FBN2: variants seen among roughly 807,000 people sequenced by gnomAD.
FBN2 encodes fibrillin-2.
In FBN2, 105 loss-of-function variants were observed where a neutral mutation model predicts 355.6. The ratio of observed to expected loss-of-function variants is 0.30; its 90% CI spans 0.25 to 0.35. The LOEUF (loss-of-function observed/expected upper bound fraction) is 0.35, where lower values mean the gene tolerates loss of function less well. FBN2 is among the 10% of genes least tolerant of loss of function. FBN2 has a pLI of 1.00. For missense variants in FBN2, 3,280 were observed against 3,758.7 expected (o/e 0.87, Z 3.33); for synonymous variants, 1,350 against 1,301.2 (o/e 1.04, Z -0.81).
Position 128,328,720 on chromosome 5 carries a change from C to T in FBN2, c.4447G>A (p.Ala1483Thr). The change falls in exon 34 of 65, where the codon GCC (alanine) becomes ACC (threonine). Residue 1483 changes from alanine to threonine, a missense_variant. By Grantham distance (58) the Ala-to-Thr change is moderately conservative. This residue lies in a region of FBN2 where 2,284 missense variants were observed against 2,749.5 expected (regional missense o/e 0.83). Coordinates refer to ENST00000262464, the MANE Select transcript of FBN2 (RefSeq NM_001999.4). Reference protein sequence around the residue: ...RCECEMGFTPASDSRSCQDID... With the variant: ...RCECEMGFTPTSDSRSCQDID... ...CCTTGGCAGGATCTGCTGTCTGAGG[C>T]TGGAGTGAAGCCCATCTCACACTCG... 2 of 1,614,154 alleles carry T rather than the reference C, an allele frequency of 1.2e-6. No individual in the cohort carries two copies. The highest frequency in any genetic ancestry group is 2.2e-5 in the South Asian group (2 of 91,078).
At chr5:128,442,468 CCTT>C in intron 7 of FBN2, 1 of 364,322 alleles carries the variant, frequency 2.7e-6, no homozygotes, top group Non-Finnish European at 5.4e-6. Context: ...GTTCTCCTTC[CCTT>C]CTTCATTTAA....
chr5:128,463,586 T>C (rs1210823768), intron 6 of FBN2, among the ~76,000 whole-genome samples: 1 of 152,186 alleles, frequency 6.6e-6, no homozygotes, highest in Non-Finnish European at 1.5e-5. Context: ...CTAACAAAAA[T>C]CTGTGGATGC....
chr5:128,379,156 C>A (rs1322986681), intron 11 of FBN2, among the ~76,000 whole-genome samples: 2 of 151,986 alleles, frequency 1.3e-5, no homozygotes, highest in Non-Finnish European at 2.9e-5. Context: ...GAATAATGGC[C>A]AATGATTAAA....
intron 53 of FBN2, among the ~76,000 whole-genome samples, chr5:128,287,670 C>A (rs542766094): frequency 2.8e-4 from 42 of 152,232 alleles, no homozygotes; most frequent in African/African-American, 9.9e-4. Flanking sequence ...TCAGAGCAAA[C>A]AACCAGTAGG....
intron 8 of FBN2, among the ~76,000 whole-genome samples, chr5:128,399,235 A>G (rs1752730658): frequency 6.6e-6 from 1 of 152,236 alleles, no homozygotes; most frequent in Non-Finnish European, 1.5e-5. Flanking sequence ...AGAACTACAA[A>G]GGTAAAGATC....
intron 15 of FBN2, among the ~76,000 whole-genome samples, chr5:128,373,535 C>A (rs1324040354): frequency 6.6e-6 from 1 of 152,138 alleles, no homozygotes; most frequent in Non-Finnish European, 1.5e-5. Context: ...AAAGTATTAA[C>A]TATGTCTAAG....
chr5:128,398,791 C>T (rs536442107), intron 8 of FBN2, among the ~76,000 whole-genome samples: 2 of 152,256 alleles, frequency 1.3e-5, no homozygotes, highest in South Asian at 2.1e-4. Flanking sequence ...AACTGAATCA[C>T]GGGGGCAGGA....
At chr5:128,377,437 A>G (rs766753902) in intron 13 of FBN2, among the ~76,000 whole-genome samples, 1 of 152,134 alleles carries the variant, frequency 6.6e-6, no homozygotes, top group African/African-American at 2.4e-5. Context: ...GCGGTCAGTA[A>G]TTGTTTAAAC....
chr5:128,451,558 A>T (rs534355137), intron 6 of FBN2, among the ~76,000 whole-genome samples: 1 of 152,116 alleles, frequency 6.6e-6, no homozygotes, highest in East Asian at 1.9e-4. Context: ...GAGACACCTC[A>T]TCCGGCTAAT....
At position 128,369,286 on chromosome 5, in the gene FBN2, C is replaced by T. The variant is rs766592611; in HGVS notation, c.2144G>A (p.Cys715Tyr). Reference protein sequence around the residue: ...TCYGGIKKGVCVRPFPGAVTK... With the variant: ...TCYGGIKKGVYVRPFPGAVTK... The stretch of plus-strand genomic sequence containing the variant: ...CACTGCACCGGGGAAAGGACGCACA[C>T]ACACTCCTTTCTTGATTCCTCCATA... The change falls in exon 16 of 65, where the codon TGT becomes TAT. Residue 715 changes from cysteine to tyrosine, a missense_variant. By Grantham distance (194) the Cys-to-Tyr change is radical. Transcript: ENST00000262464. The T allele has an allele frequency of 6.2e-6, 10 of 1,613,884 alleles. No homozygotes were observed. Among genetic ancestry groups the T allele is most frequent in the Admixed American group, 5.0e-5 (3 of 59,986 alleles).
At chr5:128,292,488 T>C (rs1371246029) in intron 48 of FBN2, among the ~76,000 whole-genome samples, 4 of 152,188 alleles carry the variant, frequency 2.6e-5, no homozygotes, top group African/African-American at 9.6e-5. Context: ...CTTTAGCTCC[T>C]AGCACGGTAT....
At chr5:128,310,397 TA>T (rs1750018205) in intron 39 of FBN2, among the ~76,000 whole-genome samples, 4 of 4,644 alleles carry the variant, frequency 8.6e-4, no homozygotes, top group African/African-American at 2.4e-3. Flanking sequence ...TATATATATA[TA>T]TATATTTTTT....
intron 26 of FBN2, 90 bp from the exon 27 acceptor site, chr5:128,338,212 G>A: frequency 7.8e-7 from 1 of 1,280,020 alleles, no homozygotes; most frequent in Non-Finnish European, 1.1e-6. Flanking sequence ...TATCTGATGT[G>A]AGAGTGTGAG....
chr5:128,371,098 T>C (rs1031481643), intron 15 of FBN2: 32 of 152,114 alleles, frequency 2.1e-4, no homozygotes, highest in African/African-American at 7.0e-4. Flanking sequence ...TATTTTTTTT[T>C]CTAAGACTAG....
At chr5:128,426,602 G>C (rs1032683031) in intron 7 of FBN2, among the ~76,000 whole-genome samples, 3 of 152,282 alleles carry the variant, frequency 2.0e-5, no homozygotes, top group Middle Eastern at 3.4e-3. Flanking sequence ...ATCCCCTTCA[G>C]ATAAATAAAA....
chr5:128,323,507 G>T (rs1056135129), intron 34 of FBN2, among the ~76,000 whole-genome samples: 2 of 152,128 alleles, frequency 1.3e-5, no homozygotes, highest in African/African-American at 4.8e-5. Context: ...TTTATCAAAG[G>T]CCTAGTTTTA....
chr5:128,334,616 G>C, intron 31 of FBN2, 103 bp downstream of exon 31: 1 of 1,180,198 alleles, frequency 8.5e-7, no homozygotes, highest in Admixed American at 1.7e-5. Context: ...ACAGTCTGGT[G>C]GCAGGTAACC....
At position 128,305,600 on chromosome 5, in the gene FBN2, T is replaced by C; in HGVS notation, c.5585A>G (p.Gln1862Arg). Residue 1862 changes from glutamine to arginine, a missense_variant, in exon 44 of 65, where the codon CAG becomes CGG. By Grantham distance (43) the Gln-to-Arg change is conservative (BLOSUM62 1). Transcript: ENST00000262464. ...DECSNGDNLC[Q>R]RNADCINSPG... ...ACTATTGATGCAGTCTGCATTCCGC[T>C]GGCAGAGATTATCACCATTGCTGCA... The C allele has an allele frequency of 6.2e-7, 1 of 1,614,024 alleles. No individual in the cohort carries two copies. Among genetic ancestry groups the C allele is most frequent in the East Asian group, 2.2e-5 (1 of 44,868 alleles).
rs1479378212 is a variant in FBN2 at position 128,464,925 on chromosome 5, G to C, written c.629-4C>G. The C allele has an allele frequency of 8.7e-6, 14 of 1,613,840 alleles. No homozygotes were observed. The highest frequency in any genetic ancestry group is 1.0e-5 in the Non-Finnish European group (12 of 1,179,798). ...AAACACGGGCCTGTCCTGTAATCTG[G>C]AATGTGGGAGAAGAAAGAAAGACAG... On this transcript the variant is annotated splice_polypyrimidine_tract_variant and splice_region_variant and intron_variant, in intron 5 of 64. Transcript: ENST00000262464.
Sources: gnomAD v4.1 joint callset for allele counts (sites outside exome capture counted in the v4.1 genomes callset) on GRCh38, gnomAD v4.1.1 for gene constraint, gnomAD v4.1.1 regional missense constraint, MANE v1.5 for transcripts, NCBI Gene and HGNC (gene_info 2026-07-23, HGNC 2026-07-21) for gene names.